DDX4: variants seen among roughly 807,000 people sequenced by gnomAD.
DDX4 encodes the protein DEAD-box helicase 4.
DDX4 carries 25 observed loss-of-function variants against 100.0 expected under a neutral mutation model. That is an observed-to-expected ratio of 0.25 (90% CI 0.18 to 0.35). The LOEUF (loss-of-function observed/expected upper bound fraction) is 0.35, where lower values mean the gene tolerates loss of function less well. Ranked by LOEUF, DDX4 falls within the 10% of genes least tolerant of loss-of-function variation. The pLI is 1.00. For missense variants in DDX4, 635 were observed against 882.4 expected (o/e 0.72, Z 3.55); for synonymous variants, 259 against 275.7 (o/e 0.94, Z 0.60).
intron 6 of DDX4, chr5:55,766,987 A>T: frequency 6.5e-7 from 1 of 1,531,494 alleles, no homozygotes; most frequent in Non-Finnish European, 8.7e-7. Flanking sequence ...GGCAGCCTTC[A>T]GTATAGTAAT....
intron 3 of DDX4, among the ~76,000 whole-genome samples, chr5:55,759,152 A>G (rs927489460): frequency 1.3e-5 from 2 of 151,944 alleles, no homozygotes; most frequent in Admixed American, 1.3e-4. Context: ...TTGGTCTCCC[A>G]AAGCTGTTTC....
chr5:55,796,990 A>G (rs1743004253), intron 17 of DDX4, among the ~76,000 whole-genome samples: 1 of 151,540 alleles, frequency 6.6e-6, no homozygotes, highest in African/African-American at 2.4e-5. Context: ...AACTACAGGC[A>G]TGCGCATACA....
chr5:55,796,215 A>G (rs1223349661), intron 17 of DDX4, among the ~76,000 whole-genome samples: 1 of 152,232 alleles, frequency 6.6e-6, no homozygotes, highest in African/African-American at 2.4e-5. Context: ...TTCTTCTCCC[A>G]GTCTACCAAC....
chr5:55,742,587 C>T (rs1759039418), intron 2 of DDX4, among the ~76,000 whole-genome samples: 1 of 152,210 alleles, frequency 6.6e-6, no homozygotes, highest in Non-Finnish European at 1.5e-5. Context: ...TTATTTGTAG[C>T]TGCATGTGAG....
chr5:55,782,038 A>C, intron 10 of DDX4, 57 bp downstream of exon 10: 1 of 1,594,450 alleles, frequency 6.3e-7, no homozygotes, highest in Non-Finnish European at 8.6e-7. Flanking sequence ...TCCAAATTTA[A>C]TTTTTTTCTG....
chr5:55,778,062 A>G (rs528150703), intron 7 of DDX4, among the ~76,000 whole-genome samples: 54 of 152,156 alleles, frequency 3.5e-4, no homozygotes, highest in Non-Finnish European at 7.2e-4. Flanking sequence ...TTTTTCCAGC[A>G]TGTATGGAAA....
In DDX4 at chr5:55,815,443, T is replaced by G. The variant is rs1320995811; in HGVS notation, c.2097+20T>G. 1.9e-6 allele frequency: 3 copies of G among 1,596,234 alleles called. No homozygotes were observed. Among genetic ancestry groups the G allele is most frequent in the East Asian group, 2.2e-5 (1 of 44,756 alleles). On this transcript the variant is annotated intron_variant, in intron 21 of 21. Transcript: ENST00000505374. Reference sequence around the variant, plus strand: ...AGAAAGGTTAGTAGAAAGGAAAACTTGAGAACTTGTCTTCTAGTTACTCTT... The same window carrying G: ...AGAAAGGTTAGTAGAAAGGAAAACTGGAGAACTTGTCTTCTAGTTACTCTT...
intron 3 of DDX4, among the ~76,000 whole-genome samples, chr5:55,753,493 G>A (rs1324714297): frequency 1.5e-4 from 23 of 152,144 alleles, no homozygotes; most frequent in South Asian, 1.5e-3. Context: ...GATATGCTGC[G>A]TTATTTCTGA....
chr5:55,774,533 T>C (rs567899619), intron 7 of DDX4, among the ~76,000 whole-genome samples: 122 of 152,334 alleles, frequency 8.0e-4, no homozygotes, highest in African/African-American at 2.8e-3. Flanking sequence ...TTAACATTTT[T>C]ATCAAACCCA....
chr5:55,738,624 C>T (rs983292125), intron 1 of DDX4, among the ~76,000 whole-genome samples: 1 of 152,096 alleles, frequency 6.6e-6, no homozygotes, highest in African/African-American at 2.4e-5. Flanking sequence ...CCTTAATATT[C>T]AGTAAGTCGT....
chr5:55,739,095 T>C (rs1206966991), intron 2 of DDX4, 63 bp downstream of exon 2: 2 of 970,394 alleles, frequency 2.1e-6, no homozygotes, highest in Non-Finnish European at 3.3e-6. Flanking sequence ...AAAATCACTG[T>C]GGTGAGAGTT....
intron 8 of DDX4, 126 bp from the exon 9 acceptor site, chr5:55,780,940 G>A: frequency 1.4e-6 from 1 of 689,746 alleles, no homozygotes; most frequent in Middle Eastern, 3.4e-4. Flanking sequence ...TAATAGGACA[G>A]TATTTTTCTA....
chr5:55,764,557 A>G (rs903958699), intron 6 of DDX4, among the ~76,000 whole-genome samples: 7 of 152,164 alleles, frequency 4.6e-5, no homozygotes, highest in African/African-American at 1.7e-4. Flanking sequence ...ACTACGATAA[A>G]CCAGTGCATT....
chr5:55,745,054 A>G (rs1263298580), intron 2 of DDX4, among the ~76,000 whole-genome samples: 2 of 151,844 alleles, frequency 1.3e-5, no homozygotes, highest in African/African-American at 4.8e-5. Flanking sequence ...CTAATTTTGT[A>G]TTTTTAGTAG....
At position 55,798,936 on chromosome 5, in the gene DDX4, C is replaced by T. The variant is rs966191852; in HGVS notation, c.1615+365C>T. 2.0e-5 allele frequency among the ~76,000 whole-genome samples: 3 copies of T among 152,160 alleles called. No homozygotes were observed. In the East Asian group the frequency reaches 5.8e-4, roughly 29 times the overall value. ...GTTTTTCTGTTTCTGGTTCCTAGCT[C>T]TTGCTTCCTAAGGCTTCCCAAATTC... On this transcript the variant is annotated intron_variant, in intron 18 of 21. Coordinates refer to ENST00000505374, the MANE Select transcript of DDX4 (RefSeq NM_024415.3).
chr5:55,807,051 G>T (rs1403521612), intron 18 of DDX4, among the ~76,000 whole-genome samples: 1 of 152,166 alleles, frequency 6.6e-6, no homozygotes, highest in Admixed American at 6.5e-5. Context: ...TCTTCTTGTT[G>T]TATTGATCCC....
intron 7 of DDX4, among the ~76,000 whole-genome samples, chr5:55,774,420 C>T (rs550992251): frequency 2.0e-5 from 3 of 152,114 alleles, no homozygotes; most frequent in Non-Finnish European, 2.9e-5. Context: ...CCAAAGTGCT[C>T]GGATTACAGG....
At chr5:55,783,678 A>ATGGATGGATGG (rs1561500781) in intron 10 of DDX4, among the ~76,000 whole-genome samples, 1 of 84,998 alleles carries the variant, frequency 1.2e-5, no homozygotes, top group Non-Finnish European at 2.5e-5. Context: ...TGGATGGATG[A>ATGGATGGATGG]ATGGATGGAT....
At chr5:55,758,513 G>C (rs937024398) in intron 3 of DDX4, among the ~76,000 whole-genome samples, 1 of 152,020 alleles carries the variant, frequency 6.6e-6, no homozygotes, top group South Asian at 2.1e-4. Flanking sequence ...TGTAAAACCC[G>C]ATCTCTCTGC....
Sources: allele counts gnomAD v4.1 joint callset (sites outside exome capture counted in the v4.1 genomes callset), GRCh38; gene constraint gnomAD v4.1.1; transcripts MANE v1.5; gene names NCBI Gene and HGNC (gene_info 2026-07-23, HGNC 2026-07-21).